Variants in RANBP2 observed in about 807,000 individuals in gnomAD.
RANBP2 encodes RAN binding protein 2.
A neutral mutation model predicts 303.6 loss-of-function variants in RANBP2; 57 were observed. That is an observed-to-expected ratio of 0.19 (90% CI 0.15 to 0.23). The LOEUF is 0.23. Ranked by LOEUF, RANBP2 falls within the 10% of genes least tolerant of loss-of-function variation. The probability of loss-of-function intolerance (pLI) is 1.00; values close to 1 mark genes in which losing one functional copy is unlikely to be tolerated. For missense variants in RANBP2, 3,138 were observed against 3,780.8 expected (o/e 0.83, Z 4.46); for synonymous variants, 1,167 against 1,301.5 (o/e 0.90, Z 2.23).
Position 108,751,410 on chromosome 2 carries a change from A to G in RANBP2, c.1420A>G (p.Asn474Asp). The change falls in exon 10 of 29, where the codon AAT (asparagine) becomes GAT (aspartate). Residue 474 changes from asparagine to aspartate, a missense_variant. Around this residue, in one of 20 missense-constraint regions of RANBP2, gnomAD observed 162 missense variants for 286.9 expected, o/e 0.56. Transcript: ENST00000283195. ...CCATGAAACCTCAAGGCTTGAAACA[A>G]ATGCACCTGAATCAATATGTATTTT... ...LPHETSRLET[N>D]APESICILDL... 1 of 1,612,032 alleles carries G rather than the reference A, an allele frequency of 6.2e-7. No individual in the cohort carries two copies. Among genetic ancestry groups the G allele is most frequent in the Admixed American group, 1.7e-5 (1 of 60,022 alleles).
the RANBP2 span, among the ~76,000 whole-genome samples, chr2:109,159,996 C>T: frequency 2.6e-5 from 4 of 152,204 alleles, no homozygotes; most frequent in African/African-American, 7.2e-5. Context: ...ATGTGATGCG[C>T]TTGAATCATC....
chr2:109,287,632 G>A, the RANBP2 span, among the ~76,000 whole-genome samples: 2 of 152,142 alleles, frequency 1.3e-5, no homozygotes, highest in Non-Finnish European at 2.9e-5. Context: ...CCAATGGGAG[G>A]CGGGAGGGGA....
the RANBP2 span, among the ~76,000 whole-genome samples, chr2:108,861,472 C>CT: frequency 0.049 from 5,997 of 122,482 alleles, 1,015 homozygotes; most frequent in African/African-American, 0.12. Context: ...AACTTTCTTC[C>CT]TTTTTTTTTT....
chr2:109,234,713 C>CA, the RANBP2 span, among the ~76,000 whole-genome samples: 1 of 152,338 alleles, frequency 6.6e-6, no homozygotes, highest in East Asian at 1.9e-4. Context: ...GCTGATAGCA[C>CA]ACAGGCTCTT....
chr2:108,788,276 C>T (rs1679260552), downstream of RANBP2, among the ~76,000 whole-genome samples: 1 of 151,600 alleles, frequency 6.6e-6, no homozygotes, highest in Non-Finnish European at 1.5e-5. Context: ...AAAAATTAGC[C>T]GAGCATGGTG....
chr2:109,021,690 C>T, the RANBP2 span, among the ~76,000 whole-genome samples: 1 of 151,720 alleles, frequency 6.6e-6, no homozygotes, highest in Non-Finnish European at 1.5e-5. Flanking sequence ...GGAAAGGACA[C>T]TGGCCTCGCA....
At chr2:109,090,336 A>ACACC in the RANBP2 span, among the ~76,000 whole-genome samples, 56 of 143,770 alleles carry the variant, frequency 3.9e-4, 4 homozygotes, top group African/African-American at 1.0e-3. Flanking sequence ...ACACACACAC[A>ACACC]CACACACACA....
Position 108,783,653 on chromosome 2 carries a change from T to A in RANBP2, c.9427T>A (p.Phe3143Ile). ...CGGACAGTCCATTTATGGAGACAAA[T>A]TTGAAGATGAAAATTTTGATGTGAA... is the stretch of plus-strand genomic sequence containing the variant. ...TGGQSIYGDKFEDENFDVKHT... is the reference protein window; with the variant it reads ...TGGQSIYGDKIEDENFDVKHT... The change falls in exon 29 of 29, where the codon TTT (phenylalanine) becomes ATT (isoleucine). Residue 3143 changes from phenylalanine to isoleucine, a missense_variant. Coordinates refer to ENST00000283195, the MANE Select transcript of RANBP2 (RefSeq NM_006267.5). 1.2e-6 allele frequency: 2 copies of A among 1,612,088 alleles called. No homozygotes were observed. The highest frequency in any genetic ancestry group is 1.1e-5 in the South Asian group (1 of 91,036).
the RANBP2 span, among the ~76,000 whole-genome samples, chr2:109,202,612 G>A: frequency 6.6e-6 from 1 of 152,150 alleles, no homozygotes; most frequent in African/African-American, 2.4e-5. Flanking sequence ...AGAGCATAGA[G>A]GGTGAGGCGT....
chr2:109,130,023 G>C, the RANBP2 span: 1 of 1,324,778 alleles, frequency 7.5e-7, no homozygotes, highest in Non-Finnish European at 9.6e-7. Context: ...GCAGCACCCC[G>C]GGTTCCCCGG....
chr2:109,603,628 T>C, the RANBP2 span, among the ~76,000 whole-genome samples: 1 of 152,182 alleles, frequency 6.6e-6, no homozygotes, highest in Non-Finnish European at 1.5e-5. Context: ...TCAATATCCT[T>C]GCAATTTAAA....
the RANBP2 span, among the ~76,000 whole-genome samples, chr2:109,410,058 C>T: frequency 6.6e-6 from 1 of 152,168 alleles, no homozygotes; most frequent in Non-Finnish European, 1.5e-5. Context: ...TTTAGTAATC[C>T]CAGCAGGGAA....
the RANBP2 span, among the ~76,000 whole-genome samples, chr2:109,017,413 C>T: frequency 2.6e-5 from 4 of 152,246 alleles, no homozygotes; most frequent in East Asian, 7.7e-4. Flanking sequence ...AGAGAGAGAG[C>T]GAGCAAGTGG....
At chr2:108,732,786 G>A (rs1695273616) in intron 4 of RANBP2, among the ~76,000 whole-genome samples, 1 of 152,102 alleles carries the variant, frequency 6.6e-6, no homozygotes, top group Admixed American at 6.6e-5. Flanking sequence ...ATTTCAAAAT[G>A]TTATGTAAAT....
At chr2:108,782,931 G>A (rs1277555379) in intron 28 of RANBP2, 69 bp downstream of exon 28, 11 of 1,401,438 alleles carry the variant, frequency 7.8e-6, no homozygotes, top group African/African-American at 1.4e-5. Context: ...GGAAATTTGA[G>A]TGTTTTTCCT....
chr2:109,687,769 G>T, the RANBP2 span, among the ~76,000 whole-genome samples: 1 of 149,386 alleles, frequency 6.7e-6, no homozygotes, highest in East Asian at 2.0e-4. Flanking sequence ...TTGAAACAGG[G>T]TCTGACTCTG....
the RANBP2 span, among the ~76,000 whole-genome samples, chr2:109,055,006 C>T: frequency 6.6e-6 from 1 of 152,128 alleles, no homozygotes; most frequent in Non-Finnish European, 1.5e-5. Flanking sequence ...TCTGTTCATC[C>T]ATTGATGAAA....
chr2:108,986,543 G>A, the RANBP2 span, among the ~76,000 whole-genome samples: 2 of 152,132 alleles, frequency 1.3e-5, no homozygotes, highest in Non-Finnish European at 2.9e-5. Context: ...CGAGGCCTGG[G>A]CATACTGAGT....
At chr2:109,600,699 C>A in the RANBP2 span, among the ~76,000 whole-genome samples, 1 of 152,132 alleles carries the variant, frequency 6.6e-6, no homozygotes, top group Non-Finnish European at 1.5e-5. Flanking sequence ...GACTTCTCTA[C>A]TTGGCAATAG....
Sources: allele counts gnomAD v4.1 joint callset (sites outside exome capture counted in the v4.1 genomes callset), GRCh38; gene constraint gnomAD v4.1.1; regional missense constraint gnomAD v4.1.1; transcripts MANE v1.5; gene names NCBI Gene and HGNC (gene_info 2026-07-23, HGNC 2026-07-21).